The following COL20A1 variants were observed in gnomAD, a reference collection of about 807,000 sequenced individuals.
The protein encoded by COL20A1 is collagen alpha-1(XX) chain.
COL20A1 carries 164 observed loss-of-function variants against 152.9 expected under a neutral mutation model. The ratio of observed to expected loss-of-function variants is 1.07; its 90% CI spans 0.94 to 1.22. The LOEUF is 1.22. Among genes scored for constraint, COL20A1 ranks in the 50% most tolerant of loss-of-function variants. The pLI is 0.00. For synonymous variants in COL20A1, 864 were observed against 756.0 expected, an observed-to-expected ratio of 1.14 and a Z score of -2.34; for missense variants, 1,873 against 1,744.8, an observed-to-expected ratio of 1.07 and a Z score of -1.31.
Position 63,310,994 on chromosome 20 carries a change from C to A in COL20A1, c.1394-400C>A, listed in dbSNP as rs562226800. On this transcript the variant is annotated intron_variant, in intron 11 of 35. Coordinates refer to ENST00000358894, the MANE Select transcript of COL20A1 (RefSeq NM_020882.4). ...TTCATGTTAGATCATTTTCATCCCC[C>A]CAGAGGAACCCTGCACCCCTAAGCA... Among the ~76,000 whole-genome samples the A allele has an allele frequency of 6.6e-5, 10 of 152,228 alleles. No individual in the cohort carries two copies. The South Asian group carries it at 2.1e-3, about 32-fold the overall frequency.
chr20:63,320,419 C>G, intron 25 of COL20A1, 51 bp downstream of exon 25: 1 of 1,555,068 alleles, frequency 6.4e-7, no homozygotes, highest in South Asian at 1.1e-5. Flanking sequence ...GGGCAAGTGC[C>G]CACTGAGGGT....
At chr20:63,310,358 C>T (rs371690540) in intron 10 of COL20A1, 23 bp from the exon 11 acceptor site, 16 of 1,609,692 alleles carry the variant, frequency 9.9e-6, no homozygotes, top group African/African-American at 1.3e-5. Context: ...TTCCTGGCTC[C>T]GTCCTTGCCC....
At chr20:63,317,900 G>T (rs1027573257) in intron 21 of COL20A1, among the ~76,000 whole-genome samples, 8 of 152,062 alleles carry the variant, frequency 5.3e-5, no homozygotes, top group Non-Finnish European at 8.8e-5. Flanking sequence ...GTGGCCTCAG[G>T]TGCACGTACT....
Position 63,326,840 on chromosome 20 carries a change from C to T in COL20A1, c.3528+17C>T. On this transcript the variant is annotated intron_variant, in intron 31 of 35. Transcript: ENST00000358894. ...GGGCCCACAGTAAGTGCATTTCCAACACCCACCAGCCAACCAAAGGTGGGG... is the reference window on the plus strand; with the variant it reads ...GGGCCCACAGTAAGTGCATTTCCAATACCCACCAGCCAACCAAAGGTGGGG... 2.0e-6 allele frequency: 3 copies of T among 1,483,980 alleles called. No homozygotes were observed. The highest frequency in any genetic ancestry group is 2.8e-5 in the South Asian group (2 of 70,940). The allele number at this position is 1,483,980 out of a possible 1,614,324, so 91.9% of individuals were successfully genotyped here.
In COL20A1 at chr20:63,305,880, G is replaced by A. The variant is rs1481184838; in HGVS notation, c.338-1G>A. The A allele has an allele frequency of 1.2e-6, 2 of 1,613,108 alleles. No individual in the cohort carries two copies. The highest frequency in any genetic ancestry group is 1.7e-6 in the Non-Finnish European group (2 of 1,179,812). Reference sequence around the variant, plus strand: ...TGATGGCTCTTTGTGTCTCCCTGCAGTTGAGGATCTGAAGAGTAGCTCCCT... The same window carrying A: ...TGATGGCTCTTTGTGTCTCCCTGCAATTGAGGATCTGAAGAGTAGCTCCCT... On this transcript the variant is annotated splice_acceptor_variant, in intron 4 of 35. Coordinates refer to ENST00000358894, the MANE Select transcript of COL20A1 (RefSeq NM_020882.4). LOFTEE classifies it high-confidence loss of function. This position sits in a 1 kb window ranked among gnomAD's most constrained non-coding sequence, Gnocchi z 4.9.
chr20:63,326,093 C>G lies in COL20A1; in HGVS notation c.3403-3C>G. 4.3e-6 allele frequency: 7 copies of G among 1,612,650 alleles called. No individual in the cohort carries two copies. Among genetic ancestry groups the G allele is most frequent in the Non-Finnish European group, 5.9e-6 (7 of 1,179,586 alleles). ...CCCAGCTTGCGCCTTCCTTTGCCATCAGGGAATGAGAGGCCTGGAGGGAAC... is the reference window on the plus strand; with the variant it reads ...CCCAGCTTGCGCCTTCCTTTGCCATGAGGGAATGAGAGGCCTGGAGGGAAC... On this transcript the variant is annotated splice_polypyrimidine_tract_variant and splice_region_variant and intron_variant, in intron 29 of 35. Transcript: ENST00000358894.
chr20:63,311,464 GCCCTCGGCCGGGGCCA>G lies in COL20A1; in HGVS notation c.1468_1483del (p.Ser490ThrfsTer74). ...CCAGAACCGTCCACCTCACCTGGCA[GCCCTCGGCCGGGGCCA>G]CCCACTACCTGGTGCGATGTTCTCC... On this transcript the variant is annotated frameshift_variant, in exon 12 of 36. Coordinates refer to ENST00000358894, the MANE Select transcript of COL20A1 (RefSeq NM_020882.4). LOFTEE classifies it high-confidence loss of function. This position sits in a 1 kb window ranked among gnomAD's most constrained non-coding sequence, Gnocchi z 4.4. The G allele has an allele frequency of 1.3e-6, 2 of 1,574,094 alleles. No individual in the cohort carries two copies. The highest frequency in any genetic ancestry group is 1.7e-6 in the Non-Finnish European group (2 of 1,160,326).
At chr20:63,322,845 G>C (rs1238153486) in intron 27 of COL20A1, among the ~76,000 whole-genome samples, 1 of 152,240 alleles carries the variant, frequency 6.6e-6, no homozygotes, top group African/African-American at 2.4e-5. Context: ...GAGCAAAGAC[G>C]TGCGCCTGGC....
At chr20:63,299,680 C>T (rs544474977) in intron 3 of COL20A1, among the ~76,000 whole-genome samples, 4 of 152,078 alleles carry the variant, frequency 2.6e-5, no homozygotes, top group African/African-American at 7.2e-5. Context: ...GCTGTTCCTA[C>T]GTAAGGCTGA....
chr20:63,329,435 C>T (rs562448099), intron 34 of COL20A1, 150 bp from the exon 35 acceptor site: 42 of 634,036 alleles, frequency 6.6e-5, no homozygotes, highest in East Asian at 2.8e-4. Flanking sequence ...GGACCTGGCA[C>T]GCTGCTGCCC....
Position 63,309,800 on chromosome 20 carries a change from T to G in COL20A1, c.1148T>G (p.Leu383Arg), listed in dbSNP as rs773573190. ...GACACCCTCCCTGCCCCCACCAGCC[T>G]GGTCCTGAGCCAGGTGACCTCCTCC... The part of the protein sequence containing the change: ...ALDTLPAPTS[L>R]VLSQVTSSSI... Residue 383 changes from leucine to arginine, a missense_variant, in exon 10 of 36, where the codon CTG (leucine) becomes CGG (arginine). Physicochemically the swap from Leu to Arg is moderately radical, Grantham distance 102. Transcript: ENST00000358894. 1.2e-6 allele frequency: 2 copies of G among 1,606,622 alleles called. No individual in the cohort carries two copies. The highest frequency in any genetic ancestry group is 1.7e-6 in the Non-Finnish European group (2 of 1,177,390).
At chr20:63,309,970 C>G in intron 10 of COL20A1, 55 bp downstream of exon 10, 1 of 1,466,412 alleles carries the variant, frequency 6.8e-7, no homozygotes, top group Non-Finnish European at 9.2e-7. Context: ...GTAGTGAGAT[C>G]TGATAAGCCA....
chr20:63,327,778 T>C, intron 31 of COL20A1, 174 bp from the exon 32 acceptor site: 3 of 641,886 alleles, frequency 4.7e-6, no homozygotes, highest in Non-Finnish European at 8.2e-6. Flanking sequence ...TGCTCTCGGG[T>C]GCAGGCGAGG....
In COL20A1 at chr20:63,297,942, G is replaced by A; in HGVS notation, c.115G>A (p.Glu39Lys). The A allele has an allele frequency of 1.2e-6, 2 of 1,613,418 alleles. No individual in the cohort carries two copies. The highest frequency in any genetic ancestry group is 1.3e-5 in the African/African-American group (1 of 75,074). The change falls in exon 3 of 36, where the codon GAG (glutamate) becomes AAG (lysine). Residue 39 changes from glutamate to lysine, a missense_variant. Glu to Lys is a moderately conservative substitution (Grantham distance 56). Transcript: ENST00000358894. ...SGLLRLAVLP[E>K]DRLQMKWRES... is the part of the protein sequence containing the mutation. ...TCTCCTGAGGCTGGCTGTGCTGCCT[G>A]AGGACCGGCTGCAGATGAAGTGGAG...
At position 63,319,497 on chromosome 20, in the gene COL20A1, G is replaced by A. The variant is rs148231100; in HGVS notation, c.2817G>A (p.Lys939=). The change falls in exon 23 of 36, where the codon AAG becomes AAA. Residue 939 remains lysine (K), a synonymous_variant. Transcript: ENST00000358894. The surrounding 1 kb of genome is among the most constrained non-coding windows in gnomAD (Gnocchi z 4.4). The part of the protein sequence containing the change: ...LLGVLLDAGK[K]SLTYFHRDPR... ...CCCCTTCCCTGGCAGCCGGGAAGAA[G>A]TCCCTGACCTACTTCCACCGTGACC... is the stretch of plus-strand genomic sequence containing the variant. 601 of 1,579,978 alleles carry A rather than the reference G, an allele frequency of 3.8e-4. 4 individuals are homozygous for A. The Middle Eastern group carries it at 0.017, about 46-fold the overall frequency.
At chr20:63,320,010 T>C in intron 23 of COL20A1, 29 bp from the exon 24 acceptor site, 1 of 1,548,724 alleles carries the variant, frequency 6.5e-7, no homozygotes, top group African/African-American at 1.4e-5. Flanking sequence ...CCGCCTGGGC[T>C]GTGGAGAACC....
rs1178871493 is a variant in COL20A1 at position 63,311,921 on chromosome 20, C to T, written c.1669C>T (p.Leu557=). The T allele has an allele frequency of 3.2e-6, 5 of 1,552,274 alleles. No homozygotes were observed. In the South Asian group the frequency reaches 3.6e-5, roughly 11 times the overall value. Residue 557 remains leucine (L), a synonymous_variant, in exon 14 of 36, where the codon CTG becomes TTG. Coordinates refer to ENST00000358894, the MANE Select transcript of COL20A1 (RefSeq NM_020882.4). This position sits in a 1 kb window ranked among gnomAD's most constrained non-coding sequence, Gnocchi z 4.4. The stretch of plus-strand genomic sequence containing the variant: ...GGCTCTGCTGTGCTTTGCAGCCACC[C>T]TGGCCCCCCCGAGACACCTGGGCTT... ...ARGIRARTPT[L]APPRHLGFSD...
intron 28 of COL20A1, 87 bp downstream of exon 28, chr20:63,325,581 A>C (rs2068233935): frequency 7.1e-7 from 1 of 1,411,582 alleles, no homozygotes; most frequent in Non-Finnish European, 1.0e-6. Flanking sequence ...TGGGGGGCAC[A>C]GGGGTTGGGG....
rs1295193526 is a variant in COL20A1 at position 63,311,720 on chromosome 20, C to T, written c.1635C>T (p.Ser545=). ...SVQSLRGPEG[S]EARGIRARTP... ...AGAGCCTGCGAGGCCCTGAGGGCAG[C>T]GAGGCCCGGGGCATCCGTGCCAGGA... The change falls in exon 13 of 36, where the codon AGC becomes AGT. Residue 545 remains serine (S), a synonymous_variant. Transcript: ENST00000358894. The surrounding 1 kb of genome is among the most constrained non-coding windows in gnomAD (Gnocchi z 4.4). The T allele has an allele frequency of 1.2e-5, 19 of 1,599,376 alleles. No individual in the cohort carries two copies. The highest frequency in any genetic ancestry group is 1.3e-5 in the African/African-American group (1 of 74,748).
Sources: allele counts gnomAD v4.1 joint callset (sites outside exome capture counted in the v4.1 genomes callset), GRCh38; gene constraint gnomAD v4.1.1; non-coding constraint Gnocchi (gnomAD v3.1); transcripts MANE v1.5; gene names NCBI Gene and HGNC (gene_info 2026-07-23, HGNC 2026-07-21).